The following CSMD1 variants were observed in gnomAD, a reference collection of about 807,000 sequenced individuals.
CSMD1 encodes the protein CUB and sushi domain-containing protein 1.
A neutral mutation model predicts 417.5 loss-of-function variants in CSMD1; 213 were observed. That is an observed-to-expected ratio of 0.51 (90% confidence interval 0.46 to 0.57). CSMD1 has a LOEUF of 0.57. CSMD1 is among the 20% of genes least tolerant of loss of function. The pLI, the probability that CSMD1 is intolerant of heterozygous loss-of-function variation, is 0.00. For missense variants in CSMD1, 6,923 were observed against 4,529.7 expected (o/e 1.53, Z -15.17); for synonymous variants, 2,862 against 1,736.8 (o/e 1.65, Z -16.11).
At chr8:4,317,656 A>G (rs567141108) in intron 3 of CSMD1, among the ~76,000 whole-genome samples, 195 of 152,306 alleles carry the variant, frequency 1.3e-3, no homozygotes, top group African/African-American at 4.2e-3. Flanking sequence ...ACTGACAAGC[A>G]GGAAGTTTAA....
chr8:3,375,603 G>T (rs1337751631), intron 18 of CSMD1, among the ~76,000 whole-genome samples: 6 of 151,830 alleles, frequency 4.0e-5, no homozygotes, highest in African/African-American at 1.5e-4. Flanking sequence ...ATTTATAATA[G>T]AAACTTTCCA....
intron 3 of CSMD1, among the ~76,000 whole-genome samples, chr8:4,209,183 T>G (rs776944683): frequency 1.3e-5 from 2 of 152,198 alleles, no homozygotes; most frequent in Non-Finnish European, 2.9e-5. Context: ...TTTCCAGATG[T>G]AGGTGGCTTT....
At chr8:4,293,424 A>G (rs905019025) in intron 3 of CSMD1, among the ~76,000 whole-genome samples, 1 of 152,238 alleles carries the variant, frequency 6.6e-6, no homozygotes, top group African/African-American at 2.4e-5. Context: ...CTACGGCTAA[A>G]AAGTGTTTTA....
chr8:4,211,204 C>CTT lies in CSMD1; in HGVS notation c.416-179107_416-179106dup, dbSNP rs34064207. 1.2e-4 allele frequency among the ~76,000 whole-genome samples: 17 copies of CTT among 145,490 alleles called. No individual in the cohort carries two copies. The East Asian group carries it at 1.2e-3, about 10-fold the overall frequency. On this transcript the variant is annotated intron_variant, in intron 3 of 69. Transcript: ENST00000635120. ...ATGTATTTCAGGGAAAGTCATTTGC[C>CTT]TTTTTTTTTTTAGCTGGCATAAATT...
At chr8:4,066,146 GA>G (rs138766096) in intron 3 of CSMD1, among the ~76,000 whole-genome samples, 5,024 of 152,244 alleles carry the variant, frequency 0.033, 269 homozygotes, top group East Asian at 0.29. Flanking sequence ...TCTCTGTTTG[GA>G]AGACTCACCC....
At chr8:3,869,169 G>C (rs1239419643) in intron 5 of CSMD1, among the ~76,000 whole-genome samples, 1 of 152,156 alleles carries the variant, frequency 6.6e-6, no homozygotes, top group African/African-American at 2.4e-5. Flanking sequence ...GAAATACACA[G>C]ATGTGCTGCA....
At chr8:4,393,141 A>G (rs1044342019) in intron 3 of CSMD1, among the ~76,000 whole-genome samples, 17 of 151,374 alleles carry the variant, frequency 1.1e-4, no homozygotes, top group African/African-American at 2.2e-4. Context: ...ACGCCCGACT[A>G]ATTTTTGTAT....
chr8:3,183,411 C>G (rs1821549869), intron 36 of CSMD1, among the ~76,000 whole-genome samples: 1 of 145,102 alleles, frequency 6.9e-6, no homozygotes, highest in African/African-American at 2.5e-5. Flanking sequence ...CCTAATCTAT[C>G]TATCCCTGAA....
At position 3,914,996 on chromosome 8, in the gene CSMD1, C is replaced by T. The variant is rs146593505; in HGVS notation, c.818+82907G>A. ...TGAAAGCTGAACGGAACAGCCTTCA[C>T]ACACATACAAGTGTTCAGGATGAGG... On this transcript the variant is annotated intron_variant, in intron 5 of 69. Transcript: ENST00000635120. Among the ~76,000 whole-genome samples the T allele has an allele frequency of 2.0e-3, 307 of 152,252 alleles. 1 individual carries two copies. The highest frequency in any genetic ancestry group is 4.6e-3 in the Admixed American group (70 of 15,288).
intron 50 of CSMD1, among the ~76,000 whole-genome samples, chr8:3,043,003 G>C (rs1006485620): frequency 1.3e-5 from 2 of 150,966 alleles, no homozygotes; most frequent in Non-Finnish European, 2.9e-5. Context: ...ATAGCGATAG[G>C]TTTCTATGAC....
intron 18 of CSMD1, among the ~76,000 whole-genome samples, chr8:3,376,154 G>A (rs911844497): frequency 1.3e-5 from 2 of 152,020 alleles, no homozygotes; most frequent in African/African-American, 4.8e-5. Context: ...TGCTTGTGGA[G>A]AGAGTAAACA....
chr8:3,908,347 T>C (rs988117853), intron 5 of CSMD1, among the ~76,000 whole-genome samples: 1 of 152,244 alleles, frequency 6.6e-6, no homozygotes, highest in Non-Finnish European at 1.5e-5. Flanking sequence ...CTGAATATTT[T>C]ATGCTATTAA....
intron 5 of CSMD1, among the ~76,000 whole-genome samples, chr8:3,883,523 C>T (rs542018503): frequency 1.1e-4 from 16 of 152,190 alleles, no homozygotes; most frequent in Middle Eastern, 3.4e-3. Flanking sequence ...ATGAATCATG[C>T]GGCTTTATGT....
chr8:4,747,358 T>C (rs939584448), intron 1 of CSMD1, among the ~76,000 whole-genome samples: 2 of 152,214 alleles, frequency 1.3e-5, no homozygotes, highest in Non-Finnish European at 2.9e-5. Flanking sequence ...TAGTTAATAT[T>C]CTAGGATACG....
chr8:4,424,919 A>G (rs764315339), intron 2 of CSMD1, among the ~76,000 whole-genome samples: 2 of 152,142 alleles, frequency 1.3e-5, no homozygotes, highest in Non-Finnish European at 2.9e-5. Context: ...AAATAATTAA[A>G]TACATTGGAA....
intron 25 of CSMD1, among the ~76,000 whole-genome samples, chr8:3,285,848 T>C (rs887619285): frequency 5.9e-5 from 9 of 151,620 alleles, no homozygotes; most frequent in Admixed American, 5.3e-4. Context: ...TTATTATTAT[T>C]ATACTTTAAA....
At chr8:4,235,518 G>C (rs1228280778) in intron 3 of CSMD1, among the ~76,000 whole-genome samples, 1 of 151,760 alleles carries the variant, frequency 6.6e-6, no homozygotes, top group African/African-American at 2.4e-5. Flanking sequence ...TCTAAGTAAT[G>C]GTACATACAT....
intron 4 of CSMD1, among the ~76,000 whole-genome samples, chr8:3,999,200 T>C (rs1286831708): frequency 6.6e-6 from 1 of 152,018 alleles, no homozygotes; most frequent in Non-Finnish European, 1.5e-5. Context: ...CTATCCATAA[T>C]ATATATTTAA....
At chr8:3,634,520 C>A (rs2128215) in intron 7 of CSMD1, among the ~76,000 whole-genome samples, 57,873 of 152,004 alleles carry the variant, frequency 0.38, 11,695 homozygotes, top group Middle Eastern at 0.58. Context: ...CCGGACTCTG[C>A]CCATGTACCT....
Sources: allele counts gnomAD v4.1 joint callset (sites outside exome capture counted in the v4.1 genomes callset), GRCh38; gene constraint gnomAD v4.1.1; transcripts MANE v1.5; gene names NCBI Gene and HGNC (gene_info 2026-07-23, HGNC 2026-07-21).